DCK: variants seen among roughly 807,000 people sequenced by gnomAD.
DCK encodes the protein deoxyadenosine kinase.
In DCK, 23 loss-of-function variants were observed where a neutral mutation model predicts 38.3. That is an observed-to-expected ratio of 0.60 (90% CI 0.43 to 0.85). DCK has a LOEUF of 0.85. Among genes scored for constraint, DCK ranks in the 40% least tolerant of loss-of-function variants. DCK has a pLI of 0.00. For missense variants in DCK, 259 were observed against 304.4 expected (o/e 0.85, Z 1.11); for synonymous variants, 108 against 100.6 (o/e 1.07, Z -0.44).
At chr4:71,023,156 G>A (rs1212430004) in intron 3 of DCK, among the ~76,000 whole-genome samples, 1 of 152,138 alleles carries the variant, frequency 6.6e-6, no homozygotes, top group East Asian at 1.9e-4. Context: ...TTGACAAAAA[G>A]TTATATTTTC....
chr4:71,010,939 C>CTT (rs112039606), intron 2 of DCK, among the ~76,000 whole-genome samples: 9 of 141,424 alleles, frequency 6.4e-5, no homozygotes, highest in African/African-American at 1.8e-4. Flanking sequence ...ATAAGTCATT[C>CTT]TTTTTTTTTT....
chr4:71,021,898 A>C (rs1740432636), intron 2 of DCK, among the ~76,000 whole-genome samples: 2 of 152,204 alleles, frequency 1.3e-5, no homozygotes, highest in African/African-American at 4.8e-5. Context: ...GCTACTTGGG[A>C]GGCTGAGGCG....
intron 2 of DCK, among the ~76,000 whole-genome samples, chr4:71,014,182 A>G (rs978560249): frequency 4.6e-5 from 7 of 152,248 alleles, no homozygotes; most frequent in Admixed American, 2.6e-4. Flanking sequence ...AGGCCATTAC[A>G]TAATGGTAAA....
At chr4:71,016,630 C>T (rs1740269633) in intron 2 of DCK, among the ~76,000 whole-genome samples, 1 of 152,158 alleles carries the variant, frequency 6.6e-6, no homozygotes, top group Admixed American at 6.5e-5. Context: ...AATAATACCA[C>T]ACATCTACAA....
At chr4:71,000,838 G>C (rs1430564189) in intron 2 of DCK, among the ~76,000 whole-genome samples, 1 of 152,158 alleles carries the variant, frequency 6.6e-6, no homozygotes, top group African/African-American at 2.4e-5. Context: ...TGGTGTATAG[G>C]AATGCTTGTG....
intron 2 of DCK, among the ~76,000 whole-genome samples, chr4:71,008,612 G>A (rs1740012382): frequency 2.0e-5 from 3 of 152,116 alleles, no homozygotes; most frequent in African/African-American, 7.2e-5. Context: ...TTATCCTCAG[G>A]TAGTAGACAG....
chr4:71,023,523 G>C, intron 3 of DCK, 36 bp from the exon 4 acceptor site: 1 of 1,265,818 alleles, frequency 7.9e-7, no homozygotes, highest in Non-Finnish European at 1.1e-6. Flanking sequence ...GTTTTTTTTT[G>C]AAATGATACA....
In DCK at chr4:71,019,792, A is replaced by T. The variant is rs201448692; in HGVS notation, c.208-2575A>T. ...GTTGATATACCTTTTATTTTTTTTT[A>T]AATTTATTTTTCTGAGATGAAGTCT... On this transcript the variant is annotated intron_variant, in intron 2 of 6. Transcript: ENST00000286648. Among the ~76,000 whole-genome samples, 180 of 126,632 alleles carry T rather than the reference A, an allele frequency of 1.4e-3. 2 individuals are homozygous for T. The East Asian group carries it at 0.02, about 14-fold the overall frequency. 83.1% of individuals were successfully genotyped at this position (126,632 alleles called of 152,430 possible).
At position 71,013,908 on chromosome 4, in the gene DCK, A is replaced by G. The variant is rs549817205; in HGVS notation, c.208-8459A>G. ...TGACAGGATCAAATTCACACATAACAATATTAACCTTAAATGTAAATGGGC... is the reference window on the plus strand; with the variant it reads ...TGACAGGATCAAATTCACACATAACGATATTAACCTTAAATGTAAATGGGC... On this transcript the variant is annotated intron_variant, in intron 2 of 6. Transcript: ENST00000286648. 3.9e-5 allele frequency among the ~76,000 whole-genome samples: 6 copies of G among 152,356 alleles called. No homozygotes were observed. In the South Asian group the frequency reaches 1.2e-3, roughly 32 times the overall value.
intron 2 of DCK, among the ~76,000 whole-genome samples, chr4:71,011,232 CTTTTTT>C (rs11322673): frequency 2.2e-5 from 2 of 93,022 alleles, no homozygotes; most frequent in Non-Finnish European, 4.2e-5. Context: ...TGTGAGGTCT[CTTTTTT>C]TTTTTTTTTT....
intron 2 of DCK, among the ~76,000 whole-genome samples, chr4:71,003,341 G>T (rs1387604083): frequency 6.6e-6 from 1 of 152,122 alleles, no homozygotes; most frequent in Non-Finnish European, 1.5e-5. Flanking sequence ...TAGTCTGATG[G>T]GCTTCCCTTT....
intron 6 of DCK, among the ~76,000 whole-genome samples, chr4:71,027,603 G>A (rs1740574622): frequency 6.6e-6 from 1 of 152,266 alleles, no homozygotes; most frequent in African/African-American, 2.4e-5. Flanking sequence ...GTGGCATAAT[G>A]TCTGCTGTTT....
intron 2 of DCK, among the ~76,000 whole-genome samples, chr4:71,016,938 C>G (rs1016892971): frequency 1.6e-4 from 24 of 152,196 alleles, no homozygotes; most frequent in Non-Finnish European, 2.8e-4. Context: ...CAAATGGGAT[C>G]TAATTAAACT....
chr4:71,023,016 A>G (rs2148919178), intron 3 of DCK, among the ~76,000 whole-genome samples: 1 of 152,282 alleles, frequency 6.6e-6, no homozygotes, highest in Admixed American at 6.5e-5. Context: ...GGCCCTTTTC[A>G]ATTCTTAATA....
chr4:71,017,394 A>G (rs1403406794), intron 2 of DCK, among the ~76,000 whole-genome samples: 3 of 152,216 alleles, frequency 2.0e-5, no homozygotes, highest in Non-Finnish European at 4.4e-5. Context: ...ATCTAGAACT[A>G]GAAATACCAT....
In DCK at chr4:71,006,088, T is replaced by G. The variant is rs1447464477; in HGVS notation, c.207+7906T>G. On this transcript the variant is annotated intron_variant, in intron 2 of 6. Coordinates refer to ENST00000286648, the MANE Select transcript of DCK (RefSeq NM_000788.3). ...TTGCAGTGAGCCGAGATCGCGCCAT[T>G]GCACTCCATCTCAAAAAAAAAAAAA... 3.2e-5 allele frequency among the ~76,000 whole-genome samples: 4 copies of G among 126,376 alleles called. No homozygotes were observed. The Admixed American group carries it at 3.8e-4, about 12-fold the overall frequency. The allele number at this position is 126,376 out of a possible 152,430, so 82.9% of individuals were successfully genotyped here. A position where few individuals can be genotyped will look rare whatever the true frequency, so the allele number is the denominator to read the frequency against.
In DCK at chr4:71,029,341, C is replaced by A; in HGVS notation, c.757-11C>A. ...GGAATTATACTGATTTTTTTTTCTTCCTTTCCTCAGGTCAAAGAGTTTTTG... is the reference window on the plus strand; with the variant it reads ...GGAATTATACTGATTTTTTTTTCTTACTTTCCTCAGGTCAAAGAGTTTTTG... On this transcript the variant is annotated splice_polypyrimidine_tract_variant and intron_variant, in intron 6 of 6. Transcript: ENST00000286648. The A allele has an allele frequency of 6.4e-7, 1 of 1,573,938 alleles. No homozygotes were observed.
chr4:70,997,705 C>T (rs1739691907), intron 1 of DCK, among the ~76,000 whole-genome samples: 1 of 152,120 alleles, frequency 6.6e-6, no homozygotes, highest in Admixed American at 6.5e-5. Flanking sequence ...TGCACGCACA[C>T]ACAGGGAAAG....
At chr4:71,019,519 A>G (rs181670577) in intron 2 of DCK, among the ~76,000 whole-genome samples, 6 of 152,168 alleles carry the variant, frequency 3.9e-5, no homozygotes, top group African/African-American at 1.4e-4. Context: ...AGATCCAGAG[A>G]CCCCTGGAGC....
Sources: allele counts gnomAD v4.1 joint callset (sites outside exome capture counted in the v4.1 genomes callset), GRCh38; gene constraint gnomAD v4.1.1; transcripts MANE v1.5; gene names NCBI Gene and HGNC (gene_info 2026-07-23, HGNC 2026-07-21).